Variants in POLE observed in about 807,000 individuals in gnomAD.
POLE encodes the protein DNA polymerase epsilon catalytic subunit A.
A neutral mutation model predicts 279.2 loss-of-function variants in POLE; 188 were observed. The observed-to-expected ratio is 0.67, with a 90% CI of 0.60 to 0.76. The LOEUF is 0.76. Ranked by LOEUF, POLE falls within the 30% of genes least tolerant of loss-of-function variation. The pLI, the probability that POLE is intolerant of heterozygous loss-of-function variation, is 0.00. For missense variants in POLE, 2,703 were observed against 3,016.7 expected, an observed-to-expected ratio of 0.90 and a Z score of 2.44; for synonymous variants, 1,214 against 1,172.5, an observed-to-expected ratio of 1.04 and a Z score of -0.72.
Position 132,676,089 on chromosome 12 carries a change from C to T in POLE, c.1020+5G>A, listed in dbSNP as rs751162799. 22 of 1,586,882 alleles carry T rather than the reference C, an allele frequency of 1.4e-5. No individual in the cohort carries two copies. The South Asian group carries it at 2.5e-4, about 18-fold the overall frequency. ...CGGGTAGTTTCCCAAGTGATACCTCCTTACCTCATCGGGTTCATTGAAGAC... is the reference window on the plus strand; with the variant it reads ...CGGGTAGTTTCCCAAGTGATACCTCTTTACCTCATCGGGTTCATTGAAGAC... On this transcript the variant is annotated splice_donor_5th_base_variant and intron_variant, in intron 10 of 48. Coordinates refer to ENST00000320574, the MANE Select transcript of POLE (RefSeq NM_006231.4).
intron 1 of POLE, among the ~76,000 whole-genome samples, chr12:132,682,559 A>G (rs920067944): frequency 5.9e-5 from 9 of 152,170 alleles, no homozygotes; most frequent in African/African-American, 2.2e-4. Context: ...TAGTTGTGAC[A>G]ATTGTACTCT....
At chr12:132,646,866 T>TA (rs1242718225) in intron 32 of POLE, among the ~76,000 whole-genome samples, 4 of 151,420 alleles carry the variant, frequency 2.6e-5, no homozygotes, top group Non-Finnish European at 5.9e-5. Flanking sequence ...ATAAATAAAT[T>TA]TAAAAAATAC....
intron 27 of POLE, 133 bp downstream of exon 27, chr12:132,657,735 C>G (rs2042577314): frequency 1.4e-6 from 1 of 737,280 alleles, no homozygotes; most frequent in African/African-American, 1.7e-5. Flanking sequence ...AGGTGCTCAC[C>G]TATTACTTAT....
At position 132,677,859 on chromosome 12, in the gene POLE, A is replaced by C. The variant is rs5744749; in HGVS notation, c.579-140T>G. ...AAGGTAAATTGATGTGGTTTCAACG[A>C]CCAAGGCAGTCCTTCCTTTAAGAAT... On this transcript the variant is annotated intron_variant, in intron 6 of 48. Transcript: ENST00000320574. 3,093 of 789,104 alleles carry C rather than the reference A, an allele frequency of 3.9e-3. 53 individuals carry two copies. In the East Asian group the frequency reaches 0.043, roughly 11 times the overall value. 48.9% of individuals were successfully genotyped at this position (789,104 alleles called of 1,614,324 possible).
chr12:132,624,858 A>G, intron 48 of POLE, 47 bp downstream of exon 48: 1 of 1,156,816 alleles, frequency 8.6e-7, no homozygotes, highest in Non-Finnish European at 1.2e-6. Flanking sequence ...CTCAGAGAGG[A>G]GGCCAAGGAG....
At chr12:132,643,027 C>A (rs1486081064) in intron 35 of POLE, 31 bp from the exon 36 acceptor site, 3 of 1,563,082 alleles carry the variant, frequency 1.9e-6, no homozygotes, top group Admixed American at 2.0e-5. Context: ...TCAGCCTCCC[C>A]CTGCGCAGGA....
Position 132,661,609 on chromosome 12 carries a change from T to C in POLE, c.2782A>G (p.Ser928Gly), listed in dbSNP as rs2042683691. The C allele has an allele frequency of 1.2e-6, 2 of 1,614,184 alleles. No homozygotes were observed. The highest frequency in any genetic ancestry group is 1.7e-6 in the Non-Finnish European group (2 of 1,180,016). Residue 928 changes from serine to glycine, a missense_variant, in exon 24 of 49, where the codon AGC becomes GGC. Physicochemically the swap from Ser to Gly is moderately conservative, Grantham distance 56 (BLOSUM62 0). Transcript: ENST00000320574. This position sits in a 1 kb window ranked among gnomAD's most constrained non-coding sequence, Gnocchi z 4.1. The stretch of plus-strand genomic sequence containing the variant: ...GGCCCATCAACCTCAAAAAAGATGC[T>C]GTTCTCTGAGCGGGTGACGTAGGTG... The part of the protein sequence containing the change: ...SLTYVTRSEN[S>G]IFFEVDGPYL...
At position 132,661,262 on chromosome 12, in the gene POLE, C is replaced by A; in HGVS notation, c.2865-98G>T. 1 of 1,180,540 alleles carries A rather than the reference C, an allele frequency of 8.5e-7. No individual in the cohort carries two copies. The highest frequency in any genetic ancestry group is 1.2e-6 in the Non-Finnish European group (1 of 839,058). 73.1% of individuals were successfully genotyped at this position (1,180,540 alleles called of 1,614,324 possible). A position where few individuals can be genotyped will look rare whatever the true frequency, so the allele number is the denominator to read the frequency against. ...CTCTGCCCGCCTCTTCCCTTTCCAA[C>A]CCTCCACCTGTCATCCACGAGGCAG... On this transcript the variant is annotated intron_variant, in intron 24 of 48. Transcript: ENST00000320574. The surrounding 1 kb of genome is among the most constrained non-coding windows in gnomAD (Gnocchi z 4.1).
Position 132,677,611 on chromosome 12 carries a change from G to A in POLE, c.687C>T (p.His229=), listed in dbSNP as rs770920362. The A allele has an allele frequency of 6.2e-6, 10 of 1,614,186 alleles. No homozygotes were observed. The highest frequency in any genetic ancestry group is 8.5e-6 in the Non-Finnish European group (10 of 1,180,032). The part of the protein sequence containing the change: ...VDMREYDVPY[H]IRLSIDLKIH... ...TCTTCAGGTCAATGGAGAGGCGGAT[G>A]TGGTAGGGAACATCGTACTCGCGCA... is the stretch of plus-strand genomic sequence containing the variant. Residue 229 remains histidine (H), a synonymous_variant, in exon 7 of 49, where the codon CAC becomes CAT. Coordinates refer to ENST00000320574, the MANE Select transcript of POLE (RefSeq NM_006231.4).
At position 132,657,430 on chromosome 12, in the gene POLE, C is replaced by G; in HGVS notation, c.3379-1G>C. The G allele has an allele frequency of 6.2e-7, 1 of 1,614,020 alleles. No homozygotes were observed. The highest frequency in any genetic ancestry group is 8.5e-7 in the Non-Finnish European group (1 of 1,179,948). Reference sequence around the variant, plus strand: ...CAATGTAGTAGTCCCAATCCAGAATCTGCATGTGCAGGAAACGGGCACAGA... The same window carrying G: ...CAATGTAGTAGTCCCAATCCAGAATGTGCATGTGCAGGAAACGGGCACAGA... On this transcript the variant is annotated splice_acceptor_variant, in intron 27 of 48. Transcript: ENST00000320574. LOFTEE classifies it high-confidence loss of function.
chr12:132,678,765 T>C (rs1267748583), intron 6 of POLE, among the ~76,000 whole-genome samples: 3 of 152,172 alleles, frequency 2.0e-5, no homozygotes, highest in African/African-American at 7.2e-5. Flanking sequence ...TGGCCCACCA[T>C]TGCGGCCACT....
In POLE at chr12:132,664,977, C is replaced by T. The variant is rs5744827; in HGVS notation, c.2468+325G>A. Among the ~76,000 whole-genome samples the T allele has an allele frequency of 0.013, 1,947 of 152,094 alleles. 48 individuals are homozygous for T. Among genetic ancestry groups the T allele is most frequent in the African/African-American group, 0.044 (1,830 of 41,456 alleles). ...GCAGACATGCTGTGAAGCAACTGCC[C>T]GACACTCTGCAAGTCCCTGAGTGAG... On this transcript the variant is annotated intron_variant, in intron 21 of 48. Coordinates refer to ENST00000320574, the MANE Select transcript of POLE (RefSeq NM_006231.4). This position sits in a 1 kb window ranked among gnomAD's most constrained non-coding sequence, Gnocchi z 5.3.
Position 132,642,468 on chromosome 12 carries a change from T to C in POLE, c.4952+38A>G, listed in dbSNP as rs776729734. The C allele has an allele frequency of 1.9e-6, 3 of 1,602,522 alleles. No homozygotes were observed. In the African/African-American group the frequency reaches 4.0e-5, roughly 21 times the overall value. ...AGAGACCACCGAGGCCGGCTCTGCC[T>C]GGGGACCACTGGCCCACAACGACAG... On this transcript the variant is annotated intron_variant, in intron 37 of 48. Coordinates refer to ENST00000320574, the MANE Select transcript of POLE (RefSeq NM_006231.4).
chr12:132,680,730 C>T (rs775424215), intron 2 of POLE, 43 bp from the exon 3 acceptor site: 5 of 1,469,436 alleles, frequency 3.4e-6, no homozygotes, highest in Non-Finnish European at 4.8e-6. Context: ...CCATCCTCTA[C>T]ACAGTTAGAG....
rs762985435 is a variant in POLE at position 132,672,595 on chromosome 12, G to C, written c.1686+32C>G. 8.2e-5 allele frequency: 131 copies of C among 1,601,236 alleles called. No homozygotes were observed. The highest frequency in any genetic ancestry group is 1.1e-4 in the Non-Finnish European group (124 of 1,169,228). On this transcript the variant is annotated intron_variant, in intron 15 of 48. Transcript: ENST00000320574. ...TGGGTCCTACCACAGCACAAGAGTG[G>C]GAAGAATCTGAATCCCAGGGAAGAA...
intron 6 of POLE, among the ~76,000 whole-genome samples, chr12:132,679,102 G>A (rs1371121760): frequency 2.0e-5 from 3 of 152,200 alleles, no homozygotes; most frequent in African/African-American, 7.2e-5. Context: ...ACAGTGTTTA[G>A]TGTTCTAGGC....
At chr12:132,625,571 C>T (rs983258510) in intron 47 of POLE, 74 bp downstream of exon 47, 4 of 1,581,220 alleles carry the variant, frequency 2.5e-6, no homozygotes, top group Middle Eastern at 1.7e-4. Context: ...CTGCACACAC[C>T]CCGGCTCCCG....
At chr12:132,681,881 G>A (rs974933900) in intron 1 of POLE, among the ~76,000 whole-genome samples, 2 of 152,294 alleles carry the variant, frequency 1.3e-5, no homozygotes, top group East Asian at 3.9e-4. Flanking sequence ...GACATGATTT[G>A]AATAAAACAG....
chr12:132,655,316 T>G (rs1390433779), intron 29 of POLE, among the ~76,000 whole-genome samples: 1 of 151,918 alleles, frequency 6.6e-6, no homozygotes, highest in African/African-American at 2.4e-5. Context: ...ATAAATGTGT[T>G]TTTTTTTTCT....
Sources: allele counts gnomAD v4.1 joint callset (sites outside exome capture counted in the v4.1 genomes callset), GRCh38; gene constraint gnomAD v4.1.1; non-coding constraint Gnocchi (gnomAD v3.1); transcripts MANE v1.5; gene names NCBI Gene and HGNC (gene_info 2026-07-23, HGNC 2026-07-21).